The following UBP1 variants were observed in gnomAD, a reference collection of about 807,000 sequenced individuals.
UBP1 encodes the protein upstream binding protein 1.
Under a neutral mutation model 76.1 loss-of-function variants are expected in UBP1, and 22 were observed. That is an observed-to-expected ratio of 0.29 (90% confidence interval 0.21 to 0.41). The LOEUF is 0.41. Ranked by LOEUF, UBP1 falls within the 10% of genes least tolerant of loss-of-function variation. The pLI is 1.00. For synonymous variants in UBP1, 224 were observed against 237.1 expected (o/e 0.94, Z 0.51); for missense variants, 436 against 668.1 (o/e 0.65, Z 3.83).
intron 12 of UBP1, 124 bp downstream of exon 12, chr3:33,396,921 G>T: frequency 1.2e-6 from 1 of 863,086 alleles, no homozygotes; most frequent in Non-Finnish European, 1.9e-6. Context: ...GCACAATGCT[G>T]CCAATGCTCG....
intron 9 of UBP1, among the ~76,000 whole-genome samples, chr3:33,402,561 G>A (rs748505011): frequency 1.3e-5 from 2 of 152,106 alleles, no homozygotes; most frequent in African/African-American, 2.4e-5. Context: ...TGAAAATGGC[G>A]CCTTGTCTAC....
chr3:33,433,365 TAAAAA>T (rs1170395728), intron 1 of UBP1, among the ~76,000 whole-genome samples: 2 of 113,084 alleles, frequency 1.8e-5, no homozygotes, highest in Non-Finnish European at 1.8e-5. Context: ...ACCCAGCCTT[TAAAAA>T]AAAAAAAAAA....
At position 33,402,725 on chromosome 3, in the gene UBP1, G is replaced by A. The variant is rs1425239669; in HGVS notation, c.1031+76C>T. 4.5e-6 allele frequency: 5 copies of A among 1,099,308 alleles called. No homozygotes were observed. The African/African-American group carries it at 6.5e-5, about 14-fold the overall frequency. The allele number at this position is 1,099,308 out of a possible 1,614,324, so 68.1% of individuals were successfully genotyped here. A position where few individuals can be genotyped will look rare whatever the true frequency, so the allele number is the denominator to read the frequency against. The stretch of plus-strand genomic sequence containing the variant: ...GGTACAATACAAACAAAAGGCTGCT[G>A]TACATGGAGAGATGGGGAAATGAAG... On this transcript the variant is annotated intron_variant, in intron 9 of 15. Coordinates refer to ENST00000283629, the MANE Select transcript of UBP1 (RefSeq NM_014517.5).
chr3:33,438,925 T>G (rs1186464732), intron 1 of UBP1, among the ~76,000 whole-genome samples: 1 of 152,226 alleles, frequency 6.6e-6, no homozygotes, highest in Non-Finnish European at 1.5e-5. Flanking sequence ...ACCACTGATT[T>G]TTAGACTTTA....
rs182144590 is a variant in UBP1, at chr3:33,415,577, C to A, written c.342+1181G>T. The stretch of plus-strand genomic sequence containing the variant: ...ATATATGTGGATTCATTGTACCATT[C>A]TCTTTACTTCTGGGTATGTTCAAAT... On this transcript the variant is annotated intron_variant, in intron 3 of 15. Transcript: ENST00000283629. Among the ~76,000 whole-genome samples, 692 of 152,192 alleles carry A rather than the reference C, an allele frequency of 4.5e-3. 5 individuals carry two copies. The highest frequency in any genetic ancestry group is 0.016 in the African/African-American group (647 of 41,534).
chr3:33,390,090 GT>G lies in UBP1; in HGVS notation c.*240del, dbSNP rs1404147317. On this transcript the variant is annotated 3_prime_UTR_variant, in exon 16 of 16. Transcript: ENST00000283629. The stretch of plus-strand genomic sequence containing the variant: ...AGCAGCAGGCAGCTATGCCTGCACC[GT>G]GGCCTCCAGAGCTGGATGCATGCTG... 1 of 466,198 alleles carries G rather than the reference GT, an allele frequency of 2.1e-6. No homozygotes were observed. Among genetic ancestry groups the G allele is most frequent in the Non-Finnish European group, 3.8e-6 (1 of 259,752 alleles). The allele number at this position is 466,198 out of a possible 1,614,324, so 28.9% of individuals were successfully genotyped here. A position where few individuals can be genotyped will look rare whatever the true frequency, so the allele number is the denominator to read the frequency against.
intron 12 of UBP1, 99 bp from the exon 13 acceptor site, chr3:33,396,379 G>T: frequency 1.1e-6 from 1 of 878,874 alleles, no homozygotes; most frequent in Non-Finnish European, 1.7e-6. Flanking sequence ...ATTTCCTTAT[G>T]AGAACTTTAT....
At chr3:33,393,919 G>C (rs1448764304) in intron 13 of UBP1, among the ~76,000 whole-genome samples, 1 of 152,086 alleles carries the variant, frequency 6.6e-6, no homozygotes, top group African/African-American at 2.4e-5. Flanking sequence ...GGACTTTATG[G>C]TATGTAAATT....
chr3:33,439,628 C>T, intron 1 of UBP1, 108 bp downstream of exon 1: 1 of 1,256,164 alleles, frequency 8.0e-7, no homozygotes. Context: ...CCCCGCAGCC[C>T]AGGAGGCCCG....
chr3:33,426,177 T>C (rs577035687), intron 1 of UBP1, among the ~76,000 whole-genome samples: 89 of 151,888 alleles, frequency 5.9e-4, no homozygotes, highest in African/African-American at 1.6e-3. Context: ...CTTGACACCA[T>C]AGAATTACAA....
intron 2 of UBP1, among the ~76,000 whole-genome samples, chr3:33,420,453 G>C (rs1575483201): frequency 6.7e-6 from 1 of 149,058 alleles, no homozygotes; most frequent in African/African-American, 2.5e-5. Flanking sequence ...AGCCTCCCAA[G>C]TAGCTGGAAT....
At chr3:33,427,738 T>C (rs1474305469) in intron 1 of UBP1, among the ~76,000 whole-genome samples, 1 of 152,228 alleles carries the variant, frequency 6.6e-6, no homozygotes, top group Non-Finnish European at 1.5e-5. Context: ...CTCTTATTTA[T>C]ACCCAGGAAT....
intron 13 of UBP1, among the ~76,000 whole-genome samples, chr3:33,394,814 C>CT (rs1298956605): frequency 0.015 from 1,793 of 122,022 alleles, 15 homozygotes; most frequent in South Asian, 0.032. Context: ...CTGCCCTCCA[C>CT]TTGTTTTTTT....
intron 2 of UBP1, among the ~76,000 whole-genome samples, chr3:33,422,586 A>G (rs1438371119): frequency 1.3e-5 from 2 of 151,912 alleles, no homozygotes; most frequent in Admixed American, 1.3e-4. Context: ...TTTGCCAGGC[A>G]TGGTGTCCTG....
chr3:33,439,793 A>T lies in UBP1; in HGVS notation c.56T>A (p.Phe19Tyr). 1 of 1,612,766 alleles carries T rather than the reference A, an allele frequency of 6.2e-7. No homozygotes were observed. Among genetic ancestry groups the T allele is most frequent in the Non-Finnish European group, 8.5e-7 (1 of 1,179,694 alleles). ...CCCGATGCCCGAGAGGCTGGCGTCG[A>T]AGTCGTGCACCAGCCCGGACTCGAT... ...EVIESGLVHD[F>Y]DASLSGIGQE... Residue 19 changes from phenylalanine to tyrosine, a missense_variant, in exon 1 of 16, where the codon TTC becomes TAC. This residue lies in a region of UBP1 where 161 missense variants were observed against 237.9 expected (regional missense o/e 0.68). Coordinates refer to ENST00000283629, the MANE Select transcript of UBP1 (RefSeq NM_014517.5).
At chr3:33,439,421 A>G (rs958490311) in intron 1 of UBP1, among the ~76,000 whole-genome samples, 2 of 152,248 alleles carry the variant, frequency 1.3e-5, no homozygotes, top group South Asian at 2.1e-4. Flanking sequence ...TAAATCACTT[A>G]TAAGGAAAAG....
rs2043663762 is a variant in UBP1 at position 33,389,399 on chromosome 3, T to G, written c.*932A>C. 6.6e-6 allele frequency: 1 copy of G among 150,838 alleles called. No homozygotes were observed. The highest frequency in any genetic ancestry group is 2.5e-5 in the African/African-American group (1 of 40,698). 9.3% of individuals were successfully genotyped at this position (150,838 alleles called of 1,614,324 possible). The stretch of plus-strand genomic sequence containing the variant: ...GTCAGAAGCTATCAACAATAATACT[T>G]TCTCCCCCTACTTGGGTCACCTATT... On this transcript the variant is annotated 3_prime_UTR_variant, in exon 16 of 16. Transcript: ENST00000283629.
At chr3:33,400,160 T>G (rs1312033165) in intron 11 of UBP1, 29 bp downstream of exon 11, 3 of 1,382,288 alleles carry the variant, frequency 2.2e-6, no homozygotes, top group Non-Finnish European at 2.9e-6. Flanking sequence ...AACATTCTCA[T>G]GCACAGATAC....
intron 2 of UBP1, among the ~76,000 whole-genome samples, chr3:33,421,362 T>TC (rs1273212785): frequency 6.6e-6 from 1 of 152,128 alleles, no homozygotes; most frequent in Non-Finnish European, 1.5e-5. Flanking sequence ...AACCTCCACC[T>TC]CCCAGGTTCA....
Sources: allele counts gnomAD v4.1 joint callset (sites outside exome capture counted in the v4.1 genomes callset), GRCh38; gene constraint gnomAD v4.1.1; regional missense constraint gnomAD v4.1.1; transcripts MANE v1.5; gene names NCBI Gene and HGNC (gene_info 2026-07-23, HGNC 2026-07-21).